The following IMPA2 variants were observed in gnomAD, a reference collection of about 807,000 sequenced individuals.
IMPA2 encodes the protein inositol monophosphatase 2.
Under a neutral mutation model 35.1 loss-of-function variants are expected in IMPA2, and 32 were observed. The ratio of observed to expected loss-of-function variants is 0.91; its 90% confidence interval spans 0.69 to 1.23. IMPA2 has a LOEUF of 1.23. Ranked by LOEUF, IMPA2 falls within the 50% of genes most tolerant of loss-of-function variation. The pLI, the probability that IMPA2 is intolerant of heterozygous loss-of-function variation, is 0.00. For synonymous variants in IMPA2, 135 were observed against 160.6 expected, an observed-to-expected ratio of 0.84 and a Z score of 1.20; for missense variants, 334 against 387.6, an observed-to-expected ratio of 0.86 and a Z score of 1.16.
At chr18:11,999,912 A>G (rs1907069749) in intron 2 of IMPA2, among the ~76,000 whole-genome samples, 1 of 152,220 alleles carries the variant, frequency 6.6e-6, no homozygotes, top group Non-Finnish European at 1.5e-5. Flanking sequence ...GGGGGGCTCT[A>G]AGGCCCCTCT....
At chr18:12,008,372 G>T in intron 2 of IMPA2, 1 of 518,918 alleles carries the variant, frequency 1.9e-6, no homozygotes, top group Non-Finnish European at 3.8e-6. Context: ...CCCGGCACAG[G>T]AACTGGATAG....
chr18:12,005,041 G>A lies in IMPA2; in HGVS notation c.231-4842G>A, dbSNP rs578154594. ...TTGTGCATCTCTTCCCATGTACCAG[G>A]GAAGTATTTTTGGTGCCTCCAAAGA... On this transcript the variant is annotated intron_variant, in intron 2 of 7. Coordinates refer to ENST00000269159, the MANE Select transcript of IMPA2 (RefSeq NM_014214.3). Among the ~76,000 whole-genome samples, 20 of 152,306 alleles carry A rather than the reference G, an allele frequency of 1.3e-4. No individual in the cohort carries two copies. The South Asian group carries it at 4.1e-3, about 32-fold the overall frequency.
chr18:12,024,375 T>C (rs1294998446), intron 5 of IMPA2, among the ~76,000 whole-genome samples: 1 of 150,586 alleles, frequency 6.6e-6, no homozygotes, highest in Non-Finnish European at 1.5e-5. Flanking sequence ...TCCCCGCTAC[T>C]TGGGAGGCTG....
intron 1 of IMPA2, among the ~76,000 whole-genome samples, chr18:11,987,183 C>T (rs566994998): frequency 6.6e-6 from 1 of 152,192 alleles, no homozygotes; most frequent in African/African-American, 2.4e-5. Flanking sequence ...TTCTCATTCA[C>T]TAGGTCTGGA....
intron 2 of IMPA2, chr18:12,008,335 C>A (rs561921433): frequency 2.0e-4 from 105 of 518,908 alleles, no homozygotes; most frequent in South Asian, 1.4e-3. Context: ...CTCTGCAGGT[C>A]TCCTTTTTCT....
chr18:12,016,988 G>T (rs1306000617), intron 5 of IMPA2, among the ~76,000 whole-genome samples: 3 of 152,148 alleles, frequency 2.0e-5, no homozygotes, highest in Admixed American at 2.0e-4. Context: ...GGAGGACACA[G>T]TCATTAAAAC....
Position 12,030,844 on chromosome 18 carries a change from A to G in IMPA2, c.*386A>G, listed in dbSNP as rs1019229053. 5.0e-6 allele frequency: 1 copy of G among 200,346 alleles called. No homozygotes were observed. The highest frequency in any genetic ancestry group is 1.0e-5 in the Non-Finnish European group (1 of 97,982). The allele number at this position is 200,346 out of a possible 1,614,324, so 12.4% of individuals were successfully genotyped here. On this transcript the variant is annotated 3_prime_UTR_variant, in exon 8 of 8. Coordinates refer to ENST00000269159, the MANE Select transcript of IMPA2 (RefSeq NM_014214.3). ...GATCGTTCTCAGGCCCTCCCCCCGGAGTACTTCAGAATGCAATAAATCAAA... is the reference window on the plus strand; with the variant it reads ...GATCGTTCTCAGGCCCTCCCCCCGGGGTACTTCAGAATGCAATAAATCAAA...
intron 1 of IMPA2, among the ~76,000 whole-genome samples, chr18:11,986,522 C>T (rs1906670906): frequency 6.6e-6 from 1 of 152,192 alleles, no homozygotes; most frequent in Non-Finnish European, 1.5e-5. Context: ...ACCTCTGGCT[C>T]TTCAGGGCAG....
intron 5 of IMPA2, among the ~76,000 whole-genome samples, chr18:12,016,122 G>A (rs1337833802): frequency 6.6e-6 from 1 of 152,216 alleles, no homozygotes; most frequent in Non-Finnish European, 1.5e-5. Context: ...TGGATAAAAT[G>A]CATAGCAGAT....
At chr18:11,997,446 T>C (rs1416166182) in intron 1 of IMPA2, among the ~76,000 whole-genome samples, 1 of 152,216 alleles carries the variant, frequency 6.6e-6, no homozygotes, top group East Asian at 1.9e-4. Context: ...TTTTTTGGTA[T>C]GACCTATCAC....
Position 12,011,961 on chromosome 18 carries a change from T to C in IMPA2, c.336-209T>C, listed in dbSNP as rs534912744. Among the ~76,000 whole-genome samples, 6 of 152,398 alleles carry C rather than the reference T, an allele frequency of 3.9e-5. No homozygotes were observed. In the South Asian group the frequency reaches 1.2e-3, roughly 32 times the overall value. On this transcript the variant is annotated intron_variant, in intron 3 of 7. Transcript: ENST00000269159. Reference sequence around the variant, plus strand: ...ATGTGACTTTCACAGTGCTGTTTTCTTTCAAGGTTAACTGTCTTACGACAT... The same window carrying C: ...ATGTGACTTTCACAGTGCTGTTTTCCTTCAAGGTTAACTGTCTTACGACAT...
intron 2 of IMPA2, among the ~76,000 whole-genome samples, chr18:12,000,334 CT>C (rs533943091): frequency 0.23 from 25,577 of 111,178 alleles, 2,371 homozygotes; most frequent in South Asian, 0.4. Flanking sequence ...CCACCTGGCT[CT>C]TTTTTTTTTT....
chr18:12,006,989 G>A (rs1907264933), intron 2 of IMPA2, among the ~76,000 whole-genome samples: 1 of 152,246 alleles, frequency 6.6e-6, no homozygotes. Flanking sequence ...AAATTAGCCA[G>A]GCGTGTGGCG....
At chr18:11,985,147 CAA>C (rs60194371) in intron 1 of IMPA2, among the ~76,000 whole-genome samples, 881 of 80,510 alleles carry the variant, frequency 0.011, 5 homozygotes, top group African/African-American at 0.029. Flanking sequence ...AACTCTGTCT[CAA>C]AAAAAAAAAA....
At position 12,012,175 on chromosome 18, in the gene IMPA2, C is replaced by T. The variant is rs761119281; in HGVS notation, c.341C>T (p.Pro114Leu). 13 of 1,614,144 alleles carry T rather than the reference C, an allele frequency of 8.1e-6. No homozygotes were observed. Among genetic ancestry groups the T allele is most frequent in the Admixed American group, 3.3e-5 (2 of 60,032 alleles). The stretch of plus-strand genomic sequence containing the variant: ...CTTTCTATTTTCCTTTGCAGATTCC[C>T]GACTGTGGCGGTTAGCATTGGATTT... ...DGTCNFVHRF[P>L]TVAVSIGFAV... Residue 114 changes from proline to leucine, a missense_variant, in exon 4 of 8, where the codon CCG becomes CTG. Coordinates refer to ENST00000269159, the MANE Select transcript of IMPA2 (RefSeq NM_014214.3).
Position 11,989,395 on chromosome 18 carries a change from C to T in IMPA2, c.96+7630C>T, listed in dbSNP as rs372528958. 4.6e-5 allele frequency among the ~76,000 whole-genome samples: 7 copies of T among 152,312 alleles called. No individual in the cohort carries two copies. The East Asian group carries it at 9.7e-4, about 21-fold the overall frequency. ...CCACACCTGCAGTGTTTGCTTAGCT[C>T]TGCAGGGTGGGGTCAGCCTACGTGA... On this transcript the variant is annotated intron_variant, in intron 1 of 7. Coordinates refer to ENST00000269159, the MANE Select transcript of IMPA2 (RefSeq NM_014214.3).
chr18:12,029,089 C>A, intron 7 of IMPA2, 96 bp downstream of exon 7: 2 of 1,005,858 alleles, frequency 2.0e-6, no homozygotes, highest in Non-Finnish European at 2.8e-6. Flanking sequence ...CTGAATTTCC[C>A]ACCTTCCCCA....
rs1018819250 is a variant in IMPA2 at position 12,002,781 on chromosome 18, A to G, written c.230+3594A>G. On this transcript the variant is annotated intron_variant, in intron 2 of 7. Coordinates refer to ENST00000269159, the MANE Select transcript of IMPA2 (RefSeq NM_014214.3). ...CTTGTCTCAAAAAAAAAAAAAAAAA[A>G]TGTAGATTAAAAGGAACCCTTGCAG... 4.3e-3 allele frequency among the ~76,000 whole-genome samples: 645 copies of G among 149,254 alleles called. 5 individuals are homozygous for G. The highest frequency in any genetic ancestry group is 0.015 in the African/African-American group (612 of 40,430).
rs1906811667 is a variant in IMPA2 at position 11,991,485 on chromosome 18, A to C, written c.97-7569A>C. Among the ~76,000 whole-genome samples the C allele has an allele frequency of 6.6e-6, 1 of 152,114 alleles. No homozygotes were observed. Among genetic ancestry groups the C allele is most frequent in the Admixed American group, 6.5e-5 (1 of 15,278 alleles). ...CATGTGCCACATGACACCATGTGAT[A>C]GGCGTGTTATTACCTGGGTACCCGA... On this transcript the variant is annotated intron_variant, in intron 1 of 7. Transcript: ENST00000269159. The surrounding 1 kb of genome is among the most constrained non-coding windows in gnomAD (Gnocchi z 4.1).
Sources: allele counts gnomAD v4.1 joint callset (sites outside exome capture counted in the v4.1 genomes callset), GRCh38; gene constraint gnomAD v4.1.1; non-coding constraint Gnocchi (gnomAD v3.1); transcripts MANE v1.5; gene names NCBI Gene and HGNC (gene_info 2026-07-23, HGNC 2026-07-21).